KMT2C: variants seen among roughly 807,000 people sequenced by gnomAD.
The protein encoded by KMT2C is histone-lysine N-methyltransferase 2C.
Under a neutral mutation model 507.9 loss-of-function variants are expected in KMT2C, and 88 were observed. The ratio of observed to expected loss-of-function variants is 0.17; its 90% CI spans 0.15 to 0.21. The LOEUF is 0.21. Ranked by LOEUF, KMT2C falls within the 10% of genes least tolerant of loss-of-function variation. The probability of loss-of-function intolerance (pLI) is 1.00; values close to 1 mark genes in which losing one functional copy is unlikely to be tolerated. For synonymous variants in KMT2C, 2,049 were observed against 2,080.8 expected (o/e 0.98, Z 0.42); for missense variants, 4,954 against 5,957.8 (o/e 0.83, Z 5.55).
intron 14 of KMT2C, among the ~76,000 whole-genome samples, chr7:152,241,754 C>T (rs1323646192): frequency 2.6e-5 from 4 of 152,142 alleles, no homozygotes; most frequent in South Asian, 4.1e-4. Flanking sequence ...TCCTTTTAGT[C>T]GATAGTTTAA....
rs936719819 is a variant in KMT2C at position 152,162,433 on chromosome 7, G to C, written c.11144C>G (p.Thr3715Arg). Residue 3715 changes from threonine (T) to arginine (R), a missense_variant, in exon 43 of 59, where the codon ACA becomes AGA. Coordinates refer to ENST00000262189, the MANE Select transcript of KMT2C (RefSeq NM_170606.3). ...DKLSMETPAK[T>R]EEIKLEKAET... ...AGCCTTTTCCAGTTTTATCTCTTCT[G>C]TTTTGGCAGGGGTTTCCATGGAGAG... 1.2e-6 allele frequency: 2 copies of C among 1,614,110 alleles called. No homozygotes were observed. Among genetic ancestry groups the C allele is most frequent in the Middle Eastern group, 1.6e-4 (1 of 6,084 alleles).
At chr7:152,434,855 G>A (rs886442790) in intron 1 of KMT2C, among the ~76,000 whole-genome samples, 6 of 152,120 alleles carry the variant, frequency 3.9e-5, no homozygotes, top group Non-Finnish European at 8.8e-5. Context: ...CGAGGGAAGC[G>A]ACATTTACAT....
intron 1 of KMT2C, among the ~76,000 whole-genome samples, chr7:152,420,915 T>A (rs1414900660): frequency 1.3e-5 from 2 of 151,606 alleles, no homozygotes; most frequent in African/African-American, 4.8e-5. Flanking sequence ...ATATACTTAA[T>A]GTAAATGACA....
In KMT2C at chr7:152,177,979, T is replaced by A; in HGVS notation, c.7474A>T (p.Met2492Leu). 2 of 1,475,254 alleles carry A rather than the reference T, an allele frequency of 1.4e-6. No homozygotes were observed. Among genetic ancestry groups the A allele is most frequent in the Non-Finnish European group, 1.8e-6 (2 of 1,126,084 alleles). 91.4% of individuals were successfully genotyped at this position (1,475,254 alleles called of 1,614,324 possible). A position where few individuals can be genotyped will look rare whatever the true frequency, so the allele number is the denominator to read the frequency against. Residue 2492 changes from methionine to leucine, a missense_variant, in exon 38 of 59, where the codon ATG (methionine) becomes TTG (leucine). Met to Leu is a conservative substitution (Grantham distance 15, BLOSUM62 2). This residue lies in a region of KMT2C where 1,689 missense variants were observed against 1,654.3 expected (regional missense o/e 1.02). Transcript: ENST00000262189. Reference sequence around the variant, plus strand: ...ACAAGGAAGCGCTCTTGACTCGGCATGGTACCATGACTACCTCCTGGAAAT... The same window carrying A: ...ACAAGGAAGCGCTCTTGACTCGGCAAGGTACCATGACTACCTCCTGGAAAT... ...FGFPGGSHGT[M>L]PSQERFLVPP...
intron 2 of KMT2C, among the ~76,000 whole-genome samples, chr7:152,354,173 T>C (rs1278380705): frequency 1.3e-5 from 2 of 152,168 alleles, no homozygotes; most frequent in Non-Finnish European, 2.9e-5. Context: ...TATTAAAACA[T>C]TTATCTAAAC....
At chr7:152,282,483 C>A (rs1364309212) in intron 6 of KMT2C, among the ~76,000 whole-genome samples, 2 of 151,056 alleles carry the variant, frequency 1.3e-5, no homozygotes, top group Non-Finnish European at 2.9e-5. Flanking sequence ...CTCTTAACAA[C>A]AGAATACTAT....
At chr7:152,341,712 T>C (rs929528508) in intron 2 of KMT2C, among the ~76,000 whole-genome samples, 4 of 152,182 alleles carry the variant, frequency 2.6e-5, no homozygotes, top group Non-Finnish European at 2.9e-5. Context: ...AAAAACCTGA[T>C]ACTTCAAAAA....
chr7:152,430,951 C>T (rs979633054), intron 1 of KMT2C, among the ~76,000 whole-genome samples: 1 of 152,170 alleles, frequency 6.6e-6, no homozygotes, highest in Non-Finnish European at 1.5e-5. Context: ...TGGACAACCA[C>T]TATCTACCCA....
At chr7:152,237,969 G>T in intron 15 of KMT2C, among the ~76,000 whole-genome samples, 1 of 152,288 alleles carries the variant, frequency 6.6e-6, no homozygotes, top group Non-Finnish European at 1.5e-5. Flanking sequence ...GTCAAATGAG[G>T]TATATTTATA....
chr7:152,366,896 C>A (rs1469735895), intron 1 of KMT2C: 2 of 409,410 alleles, frequency 4.9e-6, no homozygotes, highest in Admixed American at 4.3e-5. Flanking sequence ...AGACGCGGCG[C>A]GAGCTGGCGC....
intron 2 of KMT2C, among the ~76,000 whole-genome samples, chr7:152,351,285 T>C (rs147569125): frequency 6.6e-6 from 1 of 152,330 alleles, no homozygotes; most frequent in African/African-American, 2.4e-5. Flanking sequence ...GTGTATGTAG[T>C]GTACTTTTGT....
chr7:152,297,051 A>AAGAAAGAAAGAAAGAC (rs1356233143), intron 6 of KMT2C, among the ~76,000 whole-genome samples: 1,147 of 59,774 alleles, frequency 0.019, 12 homozygotes, highest in Non-Finnish European at 0.023. Flanking sequence ...GAAAGAAAGA[A>AAGAAAGAAAGAAAGAC]AGACAGAGAG....
At position 152,220,635 on chromosome 7, in the gene KMT2C, T is replaced by G; in HGVS notation, c.3600A>C (p.Ser1200=). 1 of 1,611,986 alleles carries G rather than the reference T, an allele frequency of 6.2e-7. No homozygotes were observed. The highest frequency in any genetic ancestry group is 8.5e-7 in the Non-Finnish European group (1 of 1,179,822). ...TAATCTTCAATTTCAATTTTGGTTTTGACCGTTTTCTTCTTGGAACTGTAA... is the reference window on the plus strand; with the variant it reads ...TAATCTTCAATTTCAATTTTGGTTTGGACCGTTTTCTTCTTGGAACTGTAA... The part of the protein sequence containing the change: ...LTVTVPRRKR[S]KPKLKLKIIN... Residue 1200 remains serine, a synonymous_variant, in exon 23 of 59, where the codon TCA becomes TCC. Coordinates refer to ENST00000262189, the MANE Select transcript of KMT2C (RefSeq NM_170606.3).
chr7:152,254,848 A>C (rs1167483011), intron 9 of KMT2C, among the ~76,000 whole-genome samples: 2 of 152,090 alleles, frequency 1.3e-5, no homozygotes, highest in Admixed American at 1.3e-4. Flanking sequence ...AGAATTCAAC[A>C]AAGTACTAGG....
Position 152,162,380 on chromosome 7 carries a change from C to T in KMT2C, c.11197G>A (p.Glu3733Lys). 6.2e-7 allele frequency: 1 copy of T among 1,614,216 alleles called. No individual in the cohort carries two copies. The highest frequency in any genetic ancestry group is 8.5e-7 in the Non-Finnish European group (1 of 1,180,028). The change falls in exon 43 of 59, where the codon GAG (glutamate) becomes AAG (lysine). Residue 3733 changes from glutamate to lysine, a missense_variant. Glu to Lys is a moderately conservative substitution (Grantham distance 56). Coordinates refer to ENST00000262189, the MANE Select transcript of KMT2C (RefSeq NM_170606.3). ...AETESCPGQE[E>K]PKLEEQNGSK... is the part of the protein sequence containing the mutation. ...CCATTCTGTTCCTCCAATTTAGGCT[C>T]CTCTTGGCCTGGGCAGGACTCTGTC...
intron 6 of KMT2C, among the ~76,000 whole-genome samples, chr7:152,289,576 T>A (rs1182065976): frequency 6.6e-6 from 1 of 152,212 alleles, no homozygotes; most frequent in Non-Finnish European, 1.5e-5. Context: ...AAAACTTGAT[T>A]ATCTAACATA....
chr7:152,152,849 T>G lies in KMT2C; in HGVS notation c.12382A>C (p.Ser4128Arg), dbSNP rs763785203. Residue 4128 changes from serine to arginine, a missense_variant, in exon 49 of 59, where the codon AGT becomes CGT. Around this residue, in one of 29 missense-constraint regions of KMT2C, gnomAD observed 417 missense variants for 461.1 expected, o/e 0.90. Transcript: ENST00000262189. Reference sequence around the variant, plus strand: ...AAACCCGGGTTGATTCTGTGGCTACTGACCAAACCCATGGATGGGACATCT... The same window carrying G: ...AAACCCGGGTTGATTCTGTGGCTACGGACCAAACCCATGGATGGGACATCT... ...APDVPSMGLV[S>R]SHRINPGLEY... 1.2e-6 allele frequency: 2 copies of G among 1,614,208 alleles called. No homozygotes were observed. The highest frequency in any genetic ancestry group is 8.5e-7 in the Non-Finnish European group (1 of 1,180,042).
At chr7:152,340,148 ATT>A (rs71885303) in intron 2 of KMT2C, among the ~76,000 whole-genome samples, 22 of 127,582 alleles carry the variant, frequency 1.7e-4, no homozygotes, top group Admixed American at 1.6e-4. Flanking sequence ...TCACGCCTGG[ATT>A]TTTTTTTTTT....
intron 1 of KMT2C, among the ~76,000 whole-genome samples, chr7:152,388,565 G>T (rs1168688414): frequency 6.6e-6 from 1 of 152,278 alleles, no homozygotes; most frequent in Non-Finnish European, 1.5e-5. Flanking sequence ...CAAAAAAACA[G>T]AAACAAACGA....
Sources: allele counts gnomAD v4.1 joint callset (sites outside exome capture counted in the v4.1 genomes callset), GRCh38; gene constraint gnomAD v4.1.1; regional missense constraint gnomAD v4.1.1; transcripts MANE v1.5; gene names NCBI Gene and HGNC (gene_info 2026-07-23, HGNC 2026-07-21).